Variants in UBL3 observed in about 807,000 individuals in gnomAD.
UBL3 encodes the protein ubiquitin-like protein 3.
A neutral mutation model predicts 18.4 loss-of-function variants in UBL3; 6 were observed. The observed-to-expected ratio is 0.33, with a 90% CI of 0.18 to 0.64. The LOEUF is 0.64. Ranked by LOEUF, UBL3 falls within the 30% of genes least tolerant of loss-of-function variation. UBL3 has a pLI of 0.76. For missense variants in UBL3, 109 were observed against 142.9 expected, an observed-to-expected ratio of 0.76 and a Z score of 1.21; for synonymous variants, 49 against 46.6, an observed-to-expected ratio of 1.05 and a Z score of -0.21.
chr13:29,849,528 T>G lies in UBL3; in HGVS notation c.11A>C (p.Asn4Thr). The G allele has an allele frequency of 6.2e-7, 1 of 1,614,060 alleles. No homozygotes were observed. The highest frequency in any genetic ancestry group is 1.1e-5 in the South Asian group (1 of 91,082). ...GTCACTTACCATATCCGCCGGGACA[T>G]TACTGGACATCTTGCCGTTTGATAT... MSS[N>T]VPADMINLRL... Residue 4 changes from asparagine to threonine, a missense_variant, in exon 1 of 5, where the codon AAT becomes ACT. By Grantham distance (65) the Asn-to-Thr change is moderately conservative (BLOSUM62 0). Coordinates refer to ENST00000380680, the MANE Select transcript of UBL3 (RefSeq NM_007106.4).
intron 1 of UBL3, among the ~76,000 whole-genome samples, chr13:29,834,775 AAAGTTAGAAAAGTAAAAACTCC>A (rs1878875703): frequency 6.6e-6 from 1 of 152,048 alleles, no homozygotes; most frequent in African/African-American, 2.4e-5. Flanking sequence ...GAATGGTCAA[AAAGTTAGAAAAGTAAAAACTCC>A]AAGAACACAA....
intron 1 of UBL3, among the ~76,000 whole-genome samples, chr13:29,818,912 T>G (rs561232258): frequency 6.6e-6 from 1 of 152,330 alleles, no homozygotes; most frequent in African/African-American, 2.4e-5. Flanking sequence ...ATGCTTTATA[T>G]CTGTGTGTTT....
At chr13:29,822,144 G>A (rs1878470569) in intron 1 of UBL3, among the ~76,000 whole-genome samples, 1 of 152,160 alleles carries the variant, frequency 6.6e-6, no homozygotes, top group Non-Finnish European at 1.5e-5. Context: ...TGTGATTTCT[G>A]AAAAGATAAA....
At position 29,849,619 on chromosome 13, in the gene UBL3, T is replaced by A. The variant is rs371757649; in HGVS notation, c.-81A>T. ...AGCAGAAGTCTTCACGTTACAGAAA[T>A]AAACCACGATTTTGACTGGTTCGTG... On this transcript the variant is annotated 5_prime_UTR_variant, in exon 1 of 5. Transcript: ENST00000380680. 2.6e-6 allele frequency: 4 copies of A among 1,564,018 alleles called. No homozygotes were observed. Among genetic ancestry groups the A allele is most frequent in the African/African-American group, 2.7e-5 (2 of 73,918 alleles).
At chr13:29,845,467 C>T (rs1879207607) in intron 1 of UBL3, among the ~76,000 whole-genome samples, 1 of 151,978 alleles carries the variant, frequency 6.6e-6, no homozygotes, top group Non-Finnish European at 1.5e-5. Context: ...GAAAAAGTCC[C>T]TGGGCATTAA....
At chr13:29,813,522 CCA>C (rs1210374611) in intron 1 of UBL3, among the ~76,000 whole-genome samples, 1 of 151,944 alleles carries the variant, frequency 6.6e-6, no homozygotes, top group Non-Finnish European at 1.5e-5. Context: ...GTTCAACCAA[CCA>C]CAGATTGAAA....
intron 4 of UBL3, 98 bp from the exon 5 acceptor site, chr13:29,767,405 T>A: frequency 7.0e-7 from 1 of 1,433,956 alleles, no homozygotes; most frequent in East Asian, 2.3e-5. Context: ...GTTTTGAGTT[T>A]TTAAAAATGT....
In UBL3 at chr13:29,817,222, T is replaced by C. The variant is rs539752405; in HGVS notation, c.27+32290A>G. Among the ~76,000 whole-genome samples, 139 of 152,340 alleles carry C rather than the reference T, an allele frequency of 9.1e-4. 1 individual carries two copies. Among genetic ancestry groups the C allele is most frequent in the African/African-American group, 3.3e-3 (137 of 41,576 alleles). Reference sequence around the variant, plus strand: ...AAATAAATAAAAGCATTTTCTAGTTTAGAATCTGAATGTCATTTGGGGAAG... The same window carrying C: ...AAATAAATAAAAGCATTTTCTAGTTCAGAATCTGAATGTCATTTGGGGAAG... On this transcript the variant is annotated intron_variant, in intron 1 of 4. Coordinates refer to ENST00000380680, the MANE Select transcript of UBL3 (RefSeq NM_007106.4).
chr13:29,785,356 T>A lies in UBL3; in HGVS notation c.28-8093A>T, dbSNP rs562535705. 5.3e-5 allele frequency among the ~76,000 whole-genome samples: 8 copies of A among 152,172 alleles called. No individual in the cohort carries two copies. The South Asian group carries it at 1.7e-3, about 32-fold the overall frequency. On this transcript the variant is annotated intron_variant, in intron 1 of 4. Transcript: ENST00000380680. ...ATAATTGTCTTAAAAAGATTTTTTT[T>A]AAGTGCTCAACTTTTTATAATTTGG...
At chr13:29,833,685 C>T (rs930075474) in intron 1 of UBL3, among the ~76,000 whole-genome samples, 1 of 152,202 alleles carries the variant, frequency 6.6e-6, no homozygotes, top group Non-Finnish European at 1.5e-5. Flanking sequence ...ATACTCAGCA[C>T]TCCCAACCCC....
intron 1 of UBL3, among the ~76,000 whole-genome samples, chr13:29,806,719 CACTCCAAA>C (rs1214554930): frequency 3.3e-5 from 5 of 152,194 alleles, no homozygotes; most frequent in African/African-American, 1.2e-4. Flanking sequence ...GCATTTTCCT[CACTCCAAA>C]ACTGGCTTCA....
rs567280436 is a variant in UBL3 at position 29,836,247 on chromosome 13, C to T, written c.27+13265G>A. On this transcript the variant is annotated intron_variant, in intron 1 of 4. Transcript: ENST00000380680. ...TTAAGCAACTGCTTGGCTGATGGTG[C>T]CATGGTAAGTAACATAGTAATTAGT... Among the ~76,000 whole-genome samples, 4 of 151,992 alleles carry T rather than the reference C, an allele frequency of 2.6e-5. No individual in the cohort carries two copies. In the South Asian group the frequency reaches 8.3e-4, roughly 32 times the overall value.
intron 1 of UBL3, among the ~76,000 whole-genome samples, chr13:29,838,451 T>C (rs1183342361): frequency 6.6e-6 from 1 of 152,206 alleles, no homozygotes; most frequent in Non-Finnish European, 1.5e-5. Context: ...TTACCACTGT[T>C]ATAATTACTT....
chr13:29,842,732 A>G (rs1049248588), intron 1 of UBL3, among the ~76,000 whole-genome samples: 1 of 149,676 alleles, frequency 6.7e-6, no homozygotes, highest in Non-Finnish European at 1.5e-5. Flanking sequence ...CTCAAAGTAA[A>G]GTTATGTGTA....
intron 1 of UBL3, among the ~76,000 whole-genome samples, chr13:29,836,049 TAGA>T (rs1566001354): frequency 2.0e-5 from 3 of 152,062 alleles, no homozygotes; most frequent in African/African-American, 7.2e-5. Context: ...TGAATCAAAG[TAGA>T]AGGATTAGTT....
intron 2 of UBL3, among the ~76,000 whole-genome samples, chr13:29,776,811 C>T (rs1310351793): frequency 2.4e-5 from 3 of 124,372 alleles, no homozygotes; most frequent in East Asian, 2.6e-4. Context: ...GCAGAGGTTG[C>T]GGTGAGCTAA....
intron 1 of UBL3, among the ~76,000 whole-genome samples, chr13:29,842,203 G>A (rs965972481): frequency 6.1e-5 from 9 of 147,752 alleles, no homozygotes; most frequent in Middle Eastern, 3.6e-3. Context: ...GTGCAGTGGC[G>A]CAATCTCAGC....
chr13:29,796,699 A>C (rs1219965685), intron 1 of UBL3, among the ~76,000 whole-genome samples: 1 of 152,200 alleles, frequency 6.6e-6, no homozygotes, highest in Admixed American at 6.5e-5. Context: ...AACCACAGTG[A>C]AATACTATCT....
chr13:29,785,247 T>C (rs1416180206), intron 1 of UBL3, among the ~76,000 whole-genome samples: 1 of 152,230 alleles, frequency 6.6e-6, no homozygotes, highest in Non-Finnish European at 1.5e-5. Flanking sequence ...ACTGTGATTA[T>C]GTAAGATGTT....
Sources: allele counts gnomAD v4.1 joint callset (sites outside exome capture counted in the v4.1 genomes callset), GRCh38; gene constraint gnomAD v4.1.1; transcripts MANE v1.5; gene names NCBI Gene and HGNC (gene_info 2026-07-23, HGNC 2026-07-21).